The following SLC30A8 variants were observed in gnomAD, a reference collection of about 807,000 sequenced individuals.
The protein encoded by SLC30A8 is proton-coupled zinc antiporter SLC30A8.
A neutral mutation model predicts 36.9 loss-of-function variants in SLC30A8; 27 were observed. The observed-to-expected ratio is 0.73, with a 90% CI of 0.54 to 1.01. The LOEUF (loss-of-function observed/expected upper bound fraction) is 1.01. Ranked by LOEUF, SLC30A8 falls within the 50% of genes least tolerant of loss-of-function variation. The pLI, the probability that SLC30A8 is intolerant of heterozygous loss-of-function variation, is 0.00. For missense variants in SLC30A8, 439 were observed against 452.0 expected (o/e 0.97, Z 0.26); for synonymous variants, 164 against 172.4 (o/e 0.95, Z 0.38).
chr8:117,043,004 A>G (rs1817437248), intron 2 of SLC30A8, among the ~76,000 whole-genome samples: 1 of 152,190 alleles, frequency 6.6e-6, no homozygotes, highest in Non-Finnish European at 1.5e-5. Flanking sequence ...CTGTCAATTT[A>G]CAGGGTTACT....
Position 117,012,424 on chromosome 8 carries a change from A to G in SLC30A8, c.-265-26795A>G, listed in dbSNP as rs932283297. ...TGTGGATTGAAAATATTAAAAAAAA[A>G]ATGTGTCCCTACTGAACACATACAG... On this transcript the variant is annotated intron_variant, in intron 1 of 10. Transcript: ENST00000427715. 2.6e-5 allele frequency among the ~76,000 whole-genome samples: 4 copies of G among 152,100 alleles called. 1 individual carries two copies. The highest frequency in any genetic ancestry group is 2.6e-4 in the Admixed American group (4 of 15,278).
At chr8:117,088,160 T>C (rs1182371300) in intron 2 of SLC30A8, among the ~76,000 whole-genome samples, 1 of 151,922 alleles carries the variant, frequency 6.6e-6, no homozygotes, top group African/African-American at 2.4e-5. Context: ...AAGAAAGAAC[T>C]TGGACAGGTG....
Position 117,085,064 on chromosome 8 carries a change from C to T in SLC30A8, c.-226+45806C>T, listed in dbSNP as rs115019285. ...TGATTCTGTTTCTGGAACAGATAGG[C>T]ACATAACAGAGAAAGATAAATGGCT... On this transcript the variant is annotated intron_variant, in intron 2 of 10. Coordinates refer to the SLC30A8 transcript ENST00000427715. Among the ~76,000 whole-genome samples the T allele has an allele frequency of 4.8e-3, 730 of 152,126 alleles. 3 individuals are homozygous for T. The highest frequency in any genetic ancestry group is 0.016 in the African/African-American group (674 of 41,512).
chr8:117,008,342 A>T (rs919148987), intron 1 of SLC30A8, among the ~76,000 whole-genome samples: 3 of 152,232 alleles, frequency 2.0e-5, no homozygotes, highest in South Asian at 2.1e-4. Flanking sequence ...TTTTCCTCTT[A>T]TAGGGAGAGG....
At chr8:117,159,974 G>A (rs935940895) in intron 4 of SLC30A8, among the ~76,000 whole-genome samples, 1 of 152,174 alleles carries the variant, frequency 6.6e-6, no homozygotes, top group African/African-American at 2.4e-5. Context: ...GAAAGTCAAG[G>A]CAGTTGGAAA....
chr8:117,020,129 G>A (rs1816654976), intron 1 of SLC30A8, among the ~76,000 whole-genome samples: 1 of 152,156 alleles, frequency 6.6e-6, no homozygotes, highest in African/African-American at 2.4e-5. Flanking sequence ...GCAGCCAGTT[G>A]TTGCAACTTA....
At chr8:117,073,939 A>G (rs1818412833) in intron 2 of SLC30A8, among the ~76,000 whole-genome samples, 1 of 146,996 alleles carries the variant, frequency 6.8e-6, no homozygotes, top group South Asian at 2.2e-4. Context: ...CTGCTTGTTT[A>G]TGAATTAAGG....
intron 1 of SLC30A8, among the ~76,000 whole-genome samples, chr8:117,142,097 G>C (rs934936644): frequency 6.6e-6 from 1 of 152,100 alleles, no homozygotes; most frequent in Non-Finnish European, 1.5e-5. Flanking sequence ...CTGCCACTCA[G>C]CCCCATCTTG....
intron 2 of SLC30A8, among the ~76,000 whole-genome samples, chr8:117,151,640 A>T (rs1822194921): frequency 1.3e-5 from 2 of 152,186 alleles, no homozygotes; most frequent in Admixed American, 6.5e-5. Context: ...TATAAAACTG[A>T]CTTCATTTCC....
chr8:117,041,609 G>T (rs947406446), intron 2 of SLC30A8, among the ~76,000 whole-genome samples: 1 of 152,050 alleles, frequency 6.6e-6, no homozygotes, highest in Non-Finnish European at 1.5e-5. Flanking sequence ...ACAATTGCTT[G>T]ATCCAGGAGG....
chr8:116,966,189 A>G (rs1166414472), intron 1 of SLC30A8, among the ~76,000 whole-genome samples: 2 of 152,152 alleles, frequency 1.3e-5, no homozygotes, highest in African/African-American at 4.8e-5. Context: ...AAAGCAAACT[A>G]AGAGTGTAGC....
chr8:117,159,269 A>G (rs1405376199), intron 4 of SLC30A8, among the ~76,000 whole-genome samples: 1 of 152,236 alleles, frequency 6.6e-6, no homozygotes, highest in African/African-American at 2.4e-5. Flanking sequence ...TCATCTGCCT[A>G]TCTATCTTGC....
In SLC30A8 at chr8:117,100,686, C is replaced by T. The variant is rs573126040; in HGVS notation, c.-225-34594C>T. 1.7e-4 allele frequency among the ~76,000 whole-genome samples: 26 copies of T among 152,308 alleles called. No individual in the cohort carries two copies. In the South Asian group the frequency reaches 5.2e-3, roughly 30 times the overall value. ...TTAAGTTCATTTCTTCTGCTTCAGACTTCAGTTCAATCTCTAAGATCTGAA... is the reference window on the plus strand; with the variant it reads ...TTAAGTTCATTTCTTCTGCTTCAGATTTCAGTTCAATCTCTAAGATCTGAA... On this transcript the variant is annotated intron_variant, in intron 2 of 10. Coordinates refer to the SLC30A8 transcript ENST00000427715.
At chr8:117,160,403 T>TGTGTGTG (rs1822717173) in intron 4 of SLC30A8, among the ~76,000 whole-genome samples, 5 of 145,910 alleles carry the variant, frequency 3.4e-5, no homozygotes, top group African/African-American at 1.0e-4. Flanking sequence ...AATTTTCCAC[T>TGTGTGTG]TGTGTGTGTG....
chr8:116,965,319 T>A (rs551423852), intron 1 of SLC30A8, among the ~76,000 whole-genome samples: 5 of 152,338 alleles, frequency 3.3e-5, no homozygotes, highest in African/African-American at 1.2e-4. Flanking sequence ...AAATACAAAC[T>A]GAAGGATAGT....
intron 1 of SLC30A8, among the ~76,000 whole-genome samples, chr8:116,969,054 T>A (rs1451707658): frequency 3.9e-5 from 6 of 152,126 alleles, no homozygotes; most frequent in African/African-American, 1.4e-4. Context: ...ATTTCTATTA[T>A]CAGAGAAGGT....
At position 117,050,999 on chromosome 8, in the gene SLC30A8, T is replaced by C. The variant is rs1817690426; in HGVS notation, c.-226+11741T>C. ...TAAATAGGTTTCTAATAACCACTTGTGGTGGATGAAAGGTTCTGAGAAGAG... is the reference window on the plus strand; with the variant it reads ...TAAATAGGTTTCTAATAACCACTTGCGGTGGATGAAAGGTTCTGAGAAGAG... On this transcript the variant is annotated intron_variant, in intron 2 of 10. Coordinates refer to the SLC30A8 transcript ENST00000427715. Among the ~76,000 whole-genome samples, 5 of 152,184 alleles carry C rather than the reference T, an allele frequency of 3.3e-5. No homozygotes were observed. The South Asian group carries it at 8.3e-4, about 25-fold the overall frequency.
chr8:117,018,670 C>T (rs1052940305), intron 1 of SLC30A8, among the ~76,000 whole-genome samples: 2 of 123,180 alleles, frequency 1.6e-5, no homozygotes, highest in Non-Finnish European at 1.7e-5. Flanking sequence ...CTAGCCCCCC[C>T]CCCCCTTTTT....
intron 1 of SLC30A8, among the ~76,000 whole-genome samples, chr8:117,000,167 T>C (rs535048516): frequency 6.6e-6 from 1 of 152,318 alleles, no homozygotes; most frequent in Admixed American, 6.5e-5. Context: ...GTCTTATGTG[T>C]TGTGGATAAC....
Sources: gnomAD v4.1 joint callset for allele counts (sites outside exome capture counted in the v4.1 genomes callset) on GRCh38, gnomAD v4.1.1 for gene constraint, MANE v1.5 for transcripts, NCBI Gene and HGNC (gene_info 2026-07-23, HGNC 2026-07-21) for gene names.